Variants in NLGN1 observed in about 807,000 individuals in gnomAD.
NLGN1 encodes neuroligin 1.
A neutral mutation model predicts 65.5 loss-of-function variants in NLGN1; 12 were observed. That is an observed-to-expected ratio of 0.18 (90% confidence interval 0.12 to 0.30). NLGN1 has a LOEUF of 0.30. NLGN1 is among the 10% of genes least tolerant of loss of function. The pLI is 1.00. For missense variants in NLGN1, 750 were observed against 1,007.1 expected (o/e 0.74, Z 3.46); for synonymous variants, 350 against 359.5 (o/e 0.97, Z 0.30).
chr3:173,877,681 C>T (rs1456395551), intron 4 of NLGN1, among the ~76,000 whole-genome samples: 1 of 152,052 alleles, frequency 6.6e-6, no homozygotes, highest in Non-Finnish European at 1.5e-5. Flanking sequence ...TCTATTAAGT[C>T]TAAAATTATC....
At chr3:173,977,553 T>TA (rs1460021526) in intron 4 of NLGN1, among the ~76,000 whole-genome samples, 1 of 151,928 alleles carries the variant, frequency 6.6e-6, no homozygotes, top group Non-Finnish European at 1.5e-5. Context: ...AAGCAGGAAT[T>TA]AACAATTTTT....
intron 1 of NLGN1, among the ~76,000 whole-genome samples, chr3:173,429,410 G>T (rs1194048019): frequency 1.3e-5 from 2 of 151,960 alleles, no homozygotes; most frequent in African/African-American, 2.4e-5. Context: ...TGTTATCTTG[G>T]AGTTCACTGA....
intron 4 of NLGN1, among the ~76,000 whole-genome samples, chr3:173,924,615 C>T (rs568727194): frequency 2.7e-5 from 4 of 149,754 alleles, no homozygotes; most frequent in Admixed American, 1.3e-4. Flanking sequence ...AGAGTATAAC[C>T]CTGTCTCAAA....
At chr3:173,659,235 T>C (rs1290690141) in intron 3 of NLGN1, among the ~76,000 whole-genome samples, 1 of 152,048 alleles carries the variant, frequency 6.6e-6, no homozygotes, top group African/African-American at 2.4e-5. Context: ...AGGTGTCAAA[T>C]TTAGAGGTAT....
At chr3:173,881,419 C>CTTTT (rs71162368) in intron 4 of NLGN1, among the ~76,000 whole-genome samples, 15 of 80,574 alleles carry the variant, frequency 1.9e-4, no homozygotes, top group Non-Finnish European at 2.8e-4. Flanking sequence ...TGCTCCACTC[C>CTTTT]TTTTTTTTTT....
intron 4 of NLGN1, among the ~76,000 whole-genome samples, chr3:173,939,417 A>T (rs1367033645): frequency 6.6e-6 from 1 of 152,176 alleles, no homozygotes; most frequent in African/African-American, 2.4e-5. Flanking sequence ...ATTGATCGCT[A>T]ATCACCTGTG....
At chr3:173,867,964 T>C (rs940030248) in intron 4 of NLGN1, among the ~76,000 whole-genome samples, 3 of 152,196 alleles carry the variant, frequency 2.0e-5, no homozygotes, top group Non-Finnish European at 4.4e-5. Flanking sequence ...GCTTATTGCC[T>C]TTAAAATAAT....
At chr3:173,435,562 C>T (rs910778793) in intron 2 of NLGN1, among the ~76,000 whole-genome samples, 2 of 152,012 alleles carry the variant, frequency 1.3e-5, no homozygotes, top group East Asian at 3.9e-4. Flanking sequence ...AGGCTGGGTG[C>T]GGTGGCACAC....
chr3:173,930,416 A>C (rs1041158982), intron 4 of NLGN1, among the ~76,000 whole-genome samples: 3 of 152,208 alleles, frequency 2.0e-5, no homozygotes, highest in Non-Finnish European at 2.9e-5. Flanking sequence ...AGCAAAATGT[A>C]AAACTGCAGC....
intron 3 of NLGN1, among the ~76,000 whole-genome samples, chr3:173,663,172 C>T (rs1393104161): frequency 6.6e-6 from 1 of 151,924 alleles, no homozygotes; most frequent in African/African-American, 2.4e-5. Flanking sequence ...CAACTTCTTT[C>T]TCATTTCTGA....
intron 2 of NLGN1, among the ~76,000 whole-genome samples, chr3:173,441,790 G>A (rs1032731317): frequency 1.3e-5 from 2 of 152,100 alleles, no homozygotes; most frequent in African/African-American, 4.8e-5. Context: ...CAATCAATTT[G>A]GCTAATGCAG....
At chr3:173,847,240 A>T (rs1725963161) in intron 4 of NLGN1, among the ~76,000 whole-genome samples, 1 of 152,136 alleles carries the variant, frequency 6.6e-6, no homozygotes, top group African/African-American at 2.4e-5. Flanking sequence ...TGTTTAAAAG[A>T]TATTTTGGGA....
intron 1 of NLGN1, among the ~76,000 whole-genome samples, chr3:173,418,765 C>G (rs1483446293): frequency 6.6e-6 from 1 of 152,064 alleles, no homozygotes; most frequent in African/African-American, 2.4e-5. Context: ...AAATTATGTA[C>G]ATATTAACCC....
intron 1 of NLGN1, among the ~76,000 whole-genome samples, chr3:173,412,354 CA>C (rs1235870064): frequency 1.3e-5 from 2 of 148,774 alleles, no homozygotes; most frequent in Non-Finnish European, 3.0e-5. Flanking sequence ...AGTGTGCACA[CA>C]TATTTGCACA....
At chr3:174,193,236 T>C (rs1275943977) in intron 4 of NLGN1, among the ~76,000 whole-genome samples, 9 of 152,184 alleles carry the variant, frequency 5.9e-5, no homozygotes, top group Admixed American at 5.9e-4. Flanking sequence ...TTGCTTACTA[T>C]TGAGCAGGAT....
chr3:173,539,697 T>C (rs1205287248), intron 2 of NLGN1, among the ~76,000 whole-genome samples: 3 of 133,046 alleles, frequency 2.3e-5, no homozygotes, highest in African/African-American at 5.9e-5. Flanking sequence ...TATGTACATA[T>C]GCACATATAT....
chr3:173,409,179 A>C (rs1475256808), intron 1 of NLGN1, among the ~76,000 whole-genome samples: 2 of 152,140 alleles, frequency 1.3e-5, no homozygotes, highest in African/African-American at 4.8e-5. Context: ...GAGTGTTAGA[A>C]AGAGTATAAA....
intron 2 of NLGN1, among the ~76,000 whole-genome samples, chr3:173,539,844 ATAT>A (rs1483564967): frequency 7.3e-6 from 1 of 136,662 alleles, no homozygotes; most frequent in Non-Finnish European, 1.5e-5. Context: ...TATGTTATAT[ATAT>A]TATATGTTAT....
intron 3 of NLGN1, among the ~76,000 whole-genome samples, chr3:173,686,642 T>C (rs1764719860): frequency 6.6e-6 from 1 of 152,068 alleles, no homozygotes. Context: ...CATAACCTAC[T>C]CCAACATCCT....
Sources: allele counts gnomAD v4.1 joint callset (sites outside exome capture counted in the v4.1 genomes callset), GRCh38; gene constraint gnomAD v4.1.1; transcripts MANE v1.5; gene names NCBI Gene and HGNC (gene_info 2026-07-23, HGNC 2026-07-21).